Variants in MSRA observed in about 807,000 individuals in gnomAD.
The protein encoded by MSRA is mitochondrial peptide methionine sulfoxide reductase.
A neutral mutation model predicts 31.3 loss-of-function variants in MSRA; 54 were observed. That is an observed-to-expected ratio of 1.73 (90% CI 1.39 to 2.17). MSRA has a LOEUF of 2.17. Ranked by LOEUF, MSRA falls within the 30% of genes most tolerant of loss-of-function variation. The probability of loss-of-function intolerance (pLI) is 0.00; values close to 1 mark genes in which losing one functional copy is unlikely to be tolerated. For missense variants in MSRA, 507 were observed against 300.9 expected, an observed-to-expected ratio of 1.69 and a Z score of -5.07; for synonymous variants, 169 against 116.5, an observed-to-expected ratio of 1.45 and a Z score of -2.90.
intron 1 of MSRA, among the ~76,000 whole-genome samples, chr8:10,100,150 G>A (rs971999131): frequency 1.3e-5 from 2 of 152,192 alleles, no homozygotes; most frequent in Non-Finnish European, 2.9e-5. Flanking sequence ...GCAACCGCAG[G>A]CGTTGAGAGG....
chr8:10,282,581 C>T (rs950380606), intron 3 of MSRA, among the ~76,000 whole-genome samples: 23 of 152,288 alleles, frequency 1.5e-4, no homozygotes, highest in African/African-American at 5.5e-4. Flanking sequence ...GCCATAGTGG[C>T]ACTGTGCTTG....
intron 3 of MSRA, among the ~76,000 whole-genome samples, chr8:10,300,831 C>G (rs191396792): frequency 9.3e-4 from 142 of 152,258 alleles, no homozygotes; most frequent in African/African-American, 3.3e-3. Flanking sequence ...CAGGTACAAG[C>G]AGTACTGCAA....
chr8:10,212,712 A>G (rs996132779), intron 2 of MSRA, among the ~76,000 whole-genome samples: 2 of 152,304 alleles, frequency 1.3e-5, no homozygotes, highest in Admixed American at 6.5e-5. Context: ...TGAATTCTCC[A>G]TTACTTGAGA....
intron 2 of MSRA, among the ~76,000 whole-genome samples, chr8:10,221,827 T>G (rs1303442591): frequency 1.3e-5 from 2 of 152,138 alleles, no homozygotes; most frequent in Non-Finnish European, 2.9e-5. Context: ...TGAGACAGGT[T>G]GTTTTGCACA....
chr8:10,335,067 T>C (rs1004703548), intron 5 of MSRA, among the ~76,000 whole-genome samples: 1 of 152,218 alleles, frequency 6.6e-6, no homozygotes, highest in African/African-American at 2.4e-5. Context: ...GCATGGTGCG[T>C]TGCAGGACGG....
chr8:10,428,052 C>T lies in MSRA; in HGVS notation c.544-96C>T, dbSNP rs776068029. 2.1e-5 allele frequency: 29 copies of T among 1,363,426 alleles called. 1 individual carries two copies. The highest frequency in any genetic ancestry group is 7.9e-5 in the Admixed American group (3 of 38,150). 84.5% of individuals were successfully genotyped at this position (1,363,426 alleles called of 1,614,324 possible). ...GACCCACTGCACATCCCAAGCCACG[C>T]GTCTGCTCACTGCAGCCCTGGCCCC... On this transcript the variant is annotated intron_variant, in intron 5 of 5. Coordinates refer to ENST00000317173, the MANE Select transcript of MSRA (RefSeq NM_012331.5).
At chr8:10,216,268 GTGAAA>G (rs1451701545) in intron 2 of MSRA, among the ~76,000 whole-genome samples, 1 of 152,126 alleles carries the variant, frequency 6.6e-6, no homozygotes, top group Non-Finnish European at 1.5e-5. Flanking sequence ...GGAAAAGAAA[GTGAAA>G]TGAAATACAC....
rs1802192793 is a variant in MSRA, at chr8:10,054,637, A to G, written c.121A>G (p.Lys41Glu). Reference sequence around the variant, plus strand: ...CCCCCAGGAGGCCTTGCCGGGCCGGAAGGAACAGACCCCTGTAGCGGGTAA... The same window carrying G: ...CCCCCAGGAGGCCTTGCCGGGCCGGGAGGAACAGACCCCTGTAGCGGGTAA... ...VSPQEALPGRKEQTPVAAKHH... is the reference protein window; with the variant it reads ...VSPQEALPGREEQTPVAAKHH... Residue 41 changes from lysine to glutamate, a missense_variant, in exon 1 of 6, where the codon AAG becomes GAG. Transcript: ENST00000317173. The G allele has an allele frequency of 6.3e-7, 1 of 1,575,508 alleles. No homozygotes were observed. The highest frequency in any genetic ancestry group is 8.6e-7 in the Non-Finnish European group (1 of 1,161,568).
chr8:10,272,485 T>C (rs946562491), intron 3 of MSRA, among the ~76,000 whole-genome samples: 2 of 152,222 alleles, frequency 1.3e-5, no homozygotes, highest in Non-Finnish European at 2.9e-5. Context: ...TTTTGTTCTA[T>C]TCAGGCCTTC....
chr8:10,078,045 A>G (rs1416690665), intron 1 of MSRA, among the ~76,000 whole-genome samples: 3 of 152,254 alleles, frequency 2.0e-5, no homozygotes, highest in East Asian at 1.9e-4. Flanking sequence ...GAGCAGTAGC[A>G]TAGGAAATTA....
intron 5 of MSRA, among the ~76,000 whole-genome samples, chr8:10,408,911 T>C (rs1416896497): frequency 6.6e-6 from 1 of 152,258 alleles, no homozygotes; most frequent in Non-Finnish European, 1.5e-5. Flanking sequence ...TTCTTTTTAA[T>C]GGCTGAGTAG....
intron 1 of MSRA, among the ~76,000 whole-genome samples, chr8:10,170,721 A>G (rs1805521440): frequency 6.6e-6 from 1 of 152,192 alleles, no homozygotes; most frequent in Non-Finnish European, 1.5e-5. Context: ...GGACTTGGGC[A>G]TCCTCAGATT....
intron 4 of MSRA, among the ~76,000 whole-genome samples, chr8:10,303,293 C>G (rs949320779): frequency 8.5e-5 from 13 of 152,190 alleles, no homozygotes; most frequent in African/African-American, 3.1e-4. Flanking sequence ...ACTTCTCTCT[C>G]CATACCGCTC....
intron 5 of MSRA, among the ~76,000 whole-genome samples, chr8:10,396,261 C>T (rs1241355357): frequency 1.3e-5 from 2 of 152,222 alleles, no homozygotes; most frequent in Non-Finnish European, 2.9e-5. Context: ...TTCTCAGGTG[C>T]ACTGTCTCTT....
intron 1 of MSRA, among the ~76,000 whole-genome samples, chr8:10,105,826 T>G (rs1799842910): frequency 6.6e-6 from 1 of 152,248 alleles, no homozygotes; most frequent in Non-Finnish European, 1.5e-5. Flanking sequence ...ACTTTGCTCA[T>G]GCTGTCCCGT....
chr8:10,167,154 A>G (rs1305306397), intron 1 of MSRA, among the ~76,000 whole-genome samples: 1 of 152,164 alleles, frequency 6.6e-6, no homozygotes, highest in Non-Finnish European at 1.5e-5. Context: ...CATGCCAGGA[A>G]TTAAAATGTT....
chr8:10,321,442 A>G (rs542485208), intron 5 of MSRA, among the ~76,000 whole-genome samples: 27 of 152,084 alleles, frequency 1.8e-4, no homozygotes, highest in African/African-American at 4.8e-4. Flanking sequence ...GGCCTGAGGG[A>G]GGCGCTGACA....
At chr8:10,355,870 G>A (rs773291511) in intron 5 of MSRA, among the ~76,000 whole-genome samples, 19 of 152,306 alleles carry the variant, frequency 1.2e-4, no homozygotes, top group South Asian at 6.2e-4. Flanking sequence ...CTAGAGATAA[G>A]GAGTGACTTT....
chr8:10,133,553 C>G (rs1802051359), intron 1 of MSRA, among the ~76,000 whole-genome samples: 1 of 152,194 alleles, frequency 6.6e-6, no homozygotes, highest in South Asian at 2.1e-4. Context: ...CTGGGCTTTG[C>G]TGCCTACCAG....
Sources: allele counts gnomAD v4.1 joint callset (sites outside exome capture counted in the v4.1 genomes callset), GRCh38; gene constraint gnomAD v4.1.1; transcripts MANE v1.5; gene names NCBI Gene and HGNC (gene_info 2026-07-23, HGNC 2026-07-21).